The following TRIM65 variants were observed in gnomAD, a reference collection of about 807,000 sequenced individuals.
TRIM65 encodes the protein tripartite motif containing 65.
Under a neutral mutation model 36.1 loss-of-function variants are expected in TRIM65, and 46 were observed. That is an observed-to-expected ratio of 1.27 (90% CI 1.01 to 1.63). TRIM65 has a LOEUF of 1.63. TRIM65 is among the 40% of genes most tolerant of loss of function. The pLI is 0.00. For synonymous variants in TRIM65, 346 were observed against 313.6 expected (o/e 1.10, Z -1.09); for missense variants, 708 against 696.6 (o/e 1.02, Z -0.18).
downstream of TRIM65, chr17:75,888,937 T>A (rs1324925703): frequency 6.6e-6 from 1 of 151,820 alleles, no homozygotes; most frequent in Non-Finnish European, 1.5e-5. Flanking sequence ...TTATATATAT[T>A]GGGGGTATGT....
chr17:75,882,771 G>A (rs74993706), intron 4 of TRIM65, among the ~76,000 whole-genome samples: 11,419 of 150,514 alleles, frequency 0.076, 654 homozygotes, highest in South Asian at 0.12. Flanking sequence ...AGCTCAAGAG[G>A]TTGCAGCTTG....
chr17:75,879,611 A>C (rs1328915446), downstream of TRIM65: 5 of 150,968 alleles, frequency 3.3e-5, no homozygotes, highest in Non-Finnish European at 7.3e-5. Flanking sequence ...CACCAGAATG[A>C]CAACAAAATA....
downstream of TRIM65, among the ~76,000 whole-genome samples, chr17:75,886,379 G>A (rs1009177806): frequency 2.0e-5 from 3 of 151,970 alleles, no homozygotes; most frequent in Admixed American, 6.6e-5. Flanking sequence ...AAAACTAGCC[G>A]GGCGTGGTGG....
intron 1 of TRIM65, among the ~76,000 whole-genome samples, chr17:75,895,976 G>A (rs1043660041): frequency 1.3e-5 from 2 of 152,208 alleles, no homozygotes; most frequent in East Asian, 3.8e-4. Flanking sequence ...TCATCCAGAG[G>A]GCACCGAGCA....
At chr17:75,880,869 C>T (rs2065164824) in intron 4 of TRIM65, among the ~76,000 whole-genome samples, 1 of 150,318 alleles carries the variant, frequency 6.7e-6, no homozygotes, top group South Asian at 2.1e-4. Context: ...GGGAAAATAC[C>T]CTCAGGTCCC....
chr17:75,883,022 G>C (rs2065178721), intron 4 of TRIM65, among the ~76,000 whole-genome samples: 1 of 148,236 alleles, frequency 6.7e-6, no homozygotes, highest in Admixed American at 6.7e-5. Context: ...GGTGATGACA[G>C]TAATTGAAAA....
downstream of TRIM65, among the ~76,000 whole-genome samples, chr17:75,884,700 C>A (rs2065193807): frequency 6.6e-6 from 1 of 152,144 alleles, no homozygotes; most frequent in Non-Finnish European, 1.5e-5. Context: ...CTTACTGCAG[C>A]CTCAACATCC....
At chr17:75,881,737 G>T (rs1400736933) in intron 4 of TRIM65, among the ~76,000 whole-genome samples, 1 of 150,640 alleles carries the variant, frequency 6.6e-6, no homozygotes, top group Non-Finnish European at 1.5e-5. Flanking sequence ...CATGGGAAAG[G>T]CTGGGGAACT....
At chr17:75,879,792 C>T (rs570305979), downstream of TRIM65, among the ~76,000 whole-genome samples, 1 of 150,678 alleles carries the variant, frequency 6.6e-6, no homozygotes, top group African/African-American at 2.5e-5. Context: ...TCGCTCTTGT[C>T]GCCCAGGCTG....
intron 1 of TRIM65, 119 bp from the exon 2 acceptor site, chr17:75,892,969 G>A: frequency 1.2e-6 from 1 of 844,862 alleles, no homozygotes; most frequent in Non-Finnish European, 1.9e-6. Context: ...CGCCACCCCA[G>A]GCCAGCCTCC....
In TRIM65 at chr17:75,889,014, T is replaced by C. The variant is rs956898833; in HGVS notation, c.*1765A>G. The C allele has an allele frequency of 1.3e-5, 2 of 151,790 alleles. No individual in the cohort carries two copies. Among genetic ancestry groups the C allele is most frequent in the Non-Finnish European group, 2.9e-5 (2 of 67,966 alleles). The allele number at this position is 151,790 out of a possible 1,614,324, so 9.4% of individuals were successfully genotyped here. ...TATTTATCCATGAGTACATATAACA[T>C]AGATGTCCAGTTTTTCAAGTTACAA... On this transcript the variant is annotated 3_prime_UTR_variant, in exon 6 of 6. Coordinates refer to ENST00000269383, the MANE Select transcript of TRIM65 (RefSeq NM_173547.4).
In TRIM65 at chr17:75,896,555, G is replaced by C; in HGVS notation, c.383C>G (p.Ala128Gly). 1 of 1,358,150 alleles carries C rather than the reference G, an allele frequency of 7.4e-7. No homozygotes were observed. Among genetic ancestry groups the C allele is most frequent in the Non-Finnish European group, 9.5e-7 (1 of 1,056,574 alleles). 84.1% of individuals were successfully genotyped at this position (1,358,150 alleles called of 1,614,324 possible). A position where few individuals can be genotyped will look rare whatever the true frequency, so the allele number is the denominator to read the frequency against. Reference protein sequence around the residue: ...TVRECRLHERALLDAERLKRE... With the variant: ...TVRECRLHERGLLDAERLKRE... The stretch of plus-strand genomic sequence containing the variant: ...CTTGAGGCGCTCGGCATCCAGCAGC[G>C]CCCGCTCGTGGAGGCGACACTCGCG... The change falls in exon 1 of 6, where the codon GCG (alanine) becomes GGG (glycine). Residue 128 changes from alanine to glycine, a missense_variant. Ala to Gly is a moderately conservative substitution (Grantham distance 60). Coordinates refer to ENST00000269383, the MANE Select transcript of TRIM65 (RefSeq NM_173547.4).
intron 4 of TRIM65, among the ~76,000 whole-genome samples, chr17:75,882,961 C>T (rs2065177610): frequency 6.8e-6 from 1 of 146,454 alleles, no homozygotes; most frequent in African/African-American, 2.7e-5. Context: ...CTGGGCAACA[C>T]ATTAAGACCC....
rs1599454998 is a variant in TRIM65 at position 75,891,012 on chromosome 17, G to A, written c.1321C>T (p.Gln441Ter). The A allele has an allele frequency of 3.1e-6, 5 of 1,603,146 alleles. No individual in the cohort carries two copies. Among genetic ancestry groups the A allele is most frequent in the Non-Finnish European group, 4.3e-6 (5 of 1,175,344 alleles). ...CGCCCTGACACCCCTGGGAGGCGCT[G>A]GGCTTCCCCGTTGTGCCAGGCCTGG... ...SLQAWHNGEAQRLPGVSGRLL... is the reference protein window; with the variant it reads ...SLQAWHNGEA The change falls in exon 6 of 6, where the codon CAG becomes TAG. Residue 441 changes from glutamine (Q) to a stop codon, truncating the protein, a stop_gained. Coordinates refer to ENST00000269383, the MANE Select transcript of TRIM65 (RefSeq NM_173547.4). LOFTEE classifies it low-confidence loss of function (END_TRUNC).
intron 2 of TRIM65, 96 bp downstream of exon 2, chr17:75,892,659 C>T: frequency 7.6e-7 from 1 of 1,322,378 alleles, no homozygotes; most frequent in Non-Finnish European, 1.0e-6. Context: ...CCTGCTCAGC[C>T]CCGCTCCCTG....
At chr17:75,892,645 G>T (rs1036569375) in intron 2 of TRIM65, 110 bp downstream of exon 2, 2 of 1,254,304 alleles carry the variant, frequency 1.6e-6, no homozygotes, top group Non-Finnish European at 2.2e-6. Context: ...CCTGTGCCCA[G>T]CTCCCTGCTC....
chr17:75,882,238 C>T (rs532316452), intron 4 of TRIM65, among the ~76,000 whole-genome samples: 2 of 150,352 alleles, frequency 1.3e-5, no homozygotes, highest in South Asian at 4.2e-4. Flanking sequence ...AATGGAGTCT[C>T]GCTCTGTCGC....
chr17:75,881,173 C>A (rs925723971), intron 4 of TRIM65, among the ~76,000 whole-genome samples: 1 of 133,120 alleles, frequency 7.5e-6, no homozygotes, highest in South Asian at 2.4e-4. Context: ...TCGCTTGAAC[C>A]AAGGAGGCAG....
Position 75,890,083 on chromosome 17 carries a change from GAAAAC to G in TRIM65, c.*691_*695del. The G allele has an allele frequency of 6.6e-6, 1 of 152,134 alleles. No individual in the cohort carries two copies. Among genetic ancestry groups the G allele is most frequent in the East Asian group, 1.9e-4 (1 of 5,194 alleles). The allele number at this position is 152,134 out of a possible 1,614,324, so 9.4% of individuals were successfully genotyped here. ...GCTTATGTTAAGTCAGGAAACTTCA[GAAAAC>G]ACTGTAATCTGAGCTACTCTGGAGG... On this transcript the variant is annotated 3_prime_UTR_variant, in exon 6 of 6. Transcript: ENST00000269383.
Sources: gnomAD v4.1 joint callset for allele counts (sites outside exome capture counted in the v4.1 genomes callset) on GRCh38, gnomAD v4.1.1 for gene constraint, MANE v1.5 for transcripts, NCBI Gene and HGNC (gene_info 2026-07-23, HGNC 2026-07-21) for gene names.